Variants in GLIS3 observed in about 807,000 individuals in gnomAD.
The protein encoded by GLIS3 is zinc finger protein GLIS3.
GLIS3 carries 53 observed loss-of-function variants against 78.6 expected under a neutral mutation model. That is an observed-to-expected ratio of 0.67 (90% CI 0.54 to 0.85). GLIS3 has a LOEUF of 0.85. GLIS3 is among the 40% of genes least tolerant of loss of function. GLIS3 has a pLI of 0.00. For synonymous variants in GLIS3, 684 were observed against 509.9 expected (o/e 1.34, Z -4.60); for missense variants, 1,703 against 1,231.1 (o/e 1.38, Z -5.74).
chr9:4,123,103 T>C lies in GLIS3; in HGVS notation c.596+2631A>G, dbSNP rs554019994. ...ACCCAAAAAACATACCCAAAGGAGGTCAAAAGAAAAAATACAAACAGCCAA... is the reference window on the plus strand; with the variant it reads ...ACCCAAAAAACATACCCAAAGGAGGCCAAAAGAAAAAATACAAACAGCCAA... On this transcript the variant is annotated intron_variant, in intron 3 of 10. Transcript: ENST00000381971. Among the ~76,000 whole-genome samples the C allele has an allele frequency of 2.0e-5, 3 of 151,834 alleles. No individual in the cohort carries two copies. In the South Asian group the frequency reaches 6.3e-4, roughly 32 times the overall value.
At chr9:4,087,779 T>A (rs1035495465) in intron 4 of GLIS3, among the ~76,000 whole-genome samples, 2 of 152,196 alleles carry the variant, frequency 1.3e-5, no homozygotes, top group Non-Finnish European at 2.9e-5. Flanking sequence ...AAGGTACCAA[T>A]CCTGCTACAC....
At chr9:4,417,677 A>G in the GLIS3 span, among the ~76,000 whole-genome samples, 252 of 152,300 alleles carry the variant, frequency 1.7e-3, 1 homozygote, top group South Asian at 0.024. Context: ...TGCATTTTAA[A>G]TATCAATAAA....
the GLIS3 span, among the ~76,000 whole-genome samples, chr9:4,354,916 A>G: frequency 1.3e-5 from 2 of 152,224 alleles, no homozygotes; most frequent in South Asian, 4.1e-4. Flanking sequence ...GGAGATCGAG[A>G]CCATCCTGGC....
At chr9:4,076,150 G>C (rs983152099) in intron 4 of GLIS3, among the ~76,000 whole-genome samples, 1 of 152,142 alleles carries the variant, frequency 6.6e-6, no homozygotes, top group Non-Finnish European at 1.5e-5. Context: ...CCAACAAGTT[G>C]ATTAAACAAT....
chr9:4,085,102 G>C (rs1308735420), intron 4 of GLIS3, among the ~76,000 whole-genome samples: 1 of 151,790 alleles, frequency 6.6e-6, no homozygotes, highest in East Asian at 1.9e-4. Flanking sequence ...TGAAGGAATG[G>C]ATAAATAAAA....
chr9:4,082,397 G>C (rs905456393), intron 4 of GLIS3, among the ~76,000 whole-genome samples: 37 of 152,172 alleles, frequency 2.4e-4, no homozygotes, highest in Non-Finnish European at 4.6e-4. Flanking sequence ...CTTCCCCTAA[G>C]AAATAAACTT....
At chr9:4,281,374 C>A (rs990971204) in intron 2 of GLIS3, among the ~76,000 whole-genome samples, 1 of 134,334 alleles carries the variant, frequency 7.4e-6, no homozygotes. Context: ...ATCACCATTA[C>A]CCATCTCCAA....
intron 2 of GLIS3, among the ~76,000 whole-genome samples, chr9:4,201,328 T>A (rs1292626794): frequency 6.6e-6 from 1 of 152,040 alleles, no homozygotes; most frequent in African/African-American, 2.4e-5. Context: ...TGGAAGTCCT[T>A]ACCAAACCAA....
chr9:4,315,638 G>A (rs1042825599), intron 2 of GLIS3, among the ~76,000 whole-genome samples: 22 of 152,252 alleles, frequency 1.4e-4, no homozygotes, highest in African/African-American at 5.1e-4. Context: ...CTCACTTTGT[G>A]TGGCTACATT....
rs1246805683 is a variant in GLIS3, at chr9:4,239,037, A to G, written c.388+47001T>C. Among the ~76,000 whole-genome samples the G allele has an allele frequency of 2.0e-5, 3 of 151,692 alleles. 1 individual carries two copies. The highest frequency in any genetic ancestry group is 4.4e-5 in the Non-Finnish European group (3 of 67,952). ...TGAACTCATCATTTTTTATGGCTGC[A>G]TAGTATTCCATGGTGTATATGTGCC... On this transcript the variant is annotated intron_variant, in intron 2 of 10. Coordinates refer to ENST00000381971, the MANE Select transcript of GLIS3 (RefSeq NM_001042413.2).
chr9:3,991,936 C>T (rs548684047), intron 4 of GLIS3, among the ~76,000 whole-genome samples: 19 of 152,170 alleles, frequency 1.2e-4, no homozygotes, highest in Admixed American at 4.6e-4. Flanking sequence ...GTGATCCGCC[C>T]GCCTCGGCCT....
intron 2 of GLIS3, among the ~76,000 whole-genome samples, chr9:4,277,464 T>C (rs1827133587): frequency 1.3e-5 from 2 of 152,218 alleles, no homozygotes; most frequent in South Asian, 4.1e-4. Context: ...CACAATACAT[T>C]ATCTTTCTTA....
intron 2 of GLIS3, among the ~76,000 whole-genome samples, chr9:4,337,592 G>A (rs929295134): frequency 3.9e-5 from 6 of 151,948 alleles, no homozygotes; most frequent in African/African-American, 7.3e-5. Flanking sequence ...GGCTCCTTCC[G>A]GTCATTTTTT....
At chr9:4,145,403 A>G (rs546917960) in intron 2 of GLIS3, among the ~76,000 whole-genome samples, 1 of 152,280 alleles carries the variant, frequency 6.6e-6, no homozygotes, top group East Asian at 1.9e-4. Context: ...AAGCAAACAT[A>G]TCTTTAGGTT....
At chr9:4,325,828 A>G (rs1390964190) in intron 2 of GLIS3, among the ~76,000 whole-genome samples, 1 of 152,236 alleles carries the variant, frequency 6.6e-6, no homozygotes, top group Non-Finnish European at 1.5e-5. Context: ...TAGACTGGAT[A>G]AAGAAAATGT....
the GLIS3 span, among the ~76,000 whole-genome samples, chr9:4,370,462 T>G: frequency 1.3e-5 from 2 of 152,088 alleles, no homozygotes; most frequent in African/African-American, 4.8e-5. Context: ...TCATCTCACT[T>G]AGTTAAATCT....
intron 2 of GLIS3, chr9:4,145,031 G>A (rs1586800728): frequency 1.3e-5 from 2 of 152,294 alleles, no homozygotes; most frequent in East Asian, 1.9e-4. Flanking sequence ...TTCCCATAGC[G>A]AAGTGAGCCC....
At chr9:4,453,026 G>C in the GLIS3 span, among the ~76,000 whole-genome samples, 1 of 152,092 alleles carries the variant, frequency 6.6e-6, no homozygotes, top group Non-Finnish European at 1.5e-5. Context: ...ACCACCATCT[G>C]ATATTTGACA....
intron 4 of GLIS3, 92 bp from the exon 5 acceptor site, chr9:3,937,281 C>T (rs1401009054): frequency 7.8e-7 from 1 of 1,285,382 alleles, no homozygotes. Flanking sequence ...TTAGTTGGTA[C>T]TTTGCCGAAA....
Sources: allele counts gnomAD v4.1 joint callset (sites outside exome capture counted in the v4.1 genomes callset), GRCh38; gene constraint gnomAD v4.1.1; transcripts MANE v1.5; gene names NCBI Gene and HGNC (gene_info 2026-07-23, HGNC 2026-07-21).